NDC1: variants seen among roughly 807,000 people sequenced by gnomAD.
The protein encoded by NDC1 is NDC1 transmembrane nucleoporin, also known as nucleoporin NDC1.
NDC1 carries 24 observed loss-of-function variants against 89.8 expected under a neutral mutation model. That is an observed-to-expected ratio of 0.27 (90% CI 0.19 to 0.38). NDC1 has a LOEUF of 0.38. NDC1 is among the 10% of genes least tolerant of loss of function. NDC1 has a pLI of 1.00. For missense variants in NDC1, 728 were observed against 797.6 expected (o/e 0.91, Z 1.05); for synonymous variants, 296 against 284.8 (o/e 1.04, Z -0.39).
rs965630574 is a variant in NDC1, at chr1:53,791,189, C to T, written c.1636-1993G>A. Among the ~76,000 whole-genome samples the T allele has an allele frequency of 3.3e-5, 5 of 152,188 alleles. No individual in the cohort carries two copies. In the South Asian group the frequency reaches 6.2e-4, roughly 19 times the overall value. ...CTTAAGATTGTGATGTCCGGCCAGG[C>T]GAGGTGGCTCACGCGGTCAGGAGAT... On this transcript the variant is annotated intron_variant, in intron 14 of 17. Transcript: ENST00000371429.
chr1:53,824,513 C>T (rs1025732139), intron 5 of NDC1, among the ~76,000 whole-genome samples: 3 of 152,156 alleles, frequency 2.0e-5, no homozygotes, highest in African/African-American at 7.2e-5. Flanking sequence ...GGGAGGGAGG[C>T]TAGTTCTAAC....
intron 5 of NDC1, among the ~76,000 whole-genome samples, chr1:53,825,460 A>AAAAAAAAGAAG (rs1039370528): frequency 7.0e-6 from 1 of 142,116 alleles, no homozygotes; most frequent in African/African-American, 2.6e-5. Context: ...CTCCAAAAAA[A>AAAAAAAAGAAG]AAGAAGCTAC....
intron 6 of NDC1, among the ~76,000 whole-genome samples, chr1:53,818,758 G>A (rs1648562484): frequency 1.3e-5 from 2 of 152,124 alleles, no homozygotes; most frequent in Admixed American, 6.5e-5. Flanking sequence ...TCTTTTTAAA[G>A]GCTAAATAAT....
chr1:53,789,870 G>A (rs879863461), intron 14 of NDC1, among the ~76,000 whole-genome samples: 46 of 151,934 alleles, frequency 3.0e-4, no homozygotes, highest in African/African-American at 3.4e-4. Flanking sequence ...TTGGGAGGCC[G>A]AGGTGGGTAG....
chr1:53,798,834 TG>T (rs1194682484), intron 11 of NDC1, among the ~76,000 whole-genome samples: 2 of 152,188 alleles, frequency 1.3e-5, no homozygotes, highest in African/African-American at 4.8e-5. Flanking sequence ...GAATTACAGG[TG>T]TAAGCCACCA....
rs1358611503 is a variant in NDC1, at chr1:53,767,857, G to A, written c.*113C>T. The A allele has an allele frequency of 1.2e-5, 6 of 509,798 alleles. No homozygotes were observed. The highest frequency in any genetic ancestry group is 3.3e-5 in the East Asian group (1 of 30,426). The allele number at this position is 509,798 out of a possible 1,614,324, so 31.6% of individuals were successfully genotyped here. ...GTATAGTTTTCAAAGCAACCACCAC[G>A]ACAAAGGAAGCATCTAATTAGTCCG... On this transcript the variant is annotated 3_prime_UTR_variant, in exon 18 of 18. Transcript: ENST00000371429.
chr1:53,794,972 G>T (rs756208052), intron 13 of NDC1, among the ~76,000 whole-genome samples: 2 of 152,112 alleles, frequency 1.3e-5, no homozygotes, highest in Non-Finnish European at 2.9e-5. Flanking sequence ...TGAAAAATGT[G>T]GTTTTTCTTG....
intron 14 of NDC1, among the ~76,000 whole-genome samples, chr1:53,791,908 C>T (rs1647517816): frequency 6.6e-6 from 1 of 151,452 alleles, no homozygotes; most frequent in African/African-American, 2.4e-5. Flanking sequence ...GAGTATGGCA[C>T]ACATAAGACA....
Position 53,819,063 on chromosome 1 carries a change from C to A in NDC1, c.611G>T (p.Arg204Leu), listed in dbSNP as rs202236360. The change falls in exon 6 of 18, where the codon CGT (arginine) becomes CTT (leucine). Residue 204 changes from arginine (R) to leucine (L), a missense_variant. Coordinates refer to ENST00000371429, the MANE Select transcript of NDC1 (RefSeq NM_018087.5). Reference protein sequence around the residue: ...FPIIQQYKFLRFRRSLLLLVK... With the variant: ...FPIIQQYKFLLFRRSLLLLVK... Reference sequence around the variant, plus strand: ...TAATAAGAGCAGAGATCTCCTAAAACGCAAGAACTTGTATTGCTGTGGGGA... The same window carrying A: ...TAATAAGAGCAGAGATCTCCTAAAAAGCAAGAACTTGTATTGCTGTGGGGA... 2 of 1,557,210 alleles carry A rather than the reference C, an allele frequency of 1.3e-6. No individual in the cohort carries two copies. The highest frequency in any genetic ancestry group is 1.4e-5 in the African/African-American group (1 of 72,464).
chr1:53,808,093 G>C (rs145288483), intron 7 of NDC1, among the ~76,000 whole-genome samples: 1 of 152,202 alleles, frequency 6.6e-6, no homozygotes, highest in Non-Finnish European at 1.5e-5. Context: ...GCAGCTGGGT[G>C]AAAGTTTATT....
At position 53,812,606 on chromosome 1, in the gene NDC1, T is replaced by TTA. The variant is rs1340233385; in HGVS notation, c.704-2861_704-2860insTA. On this transcript the variant is annotated intron_variant, in intron 6 of 17. Coordinates refer to ENST00000371429, the MANE Select transcript of NDC1 (RefSeq NM_018087.5). Reference sequence around the variant, plus strand: ...ACAAGGTCTCCAAGAAGTCTGGGATTATGTTATACGACCAAACTTAAGAAT... The same window carrying TTA: ...ACAAGGTCTCCAAGAAGTCTGGGATTTAATGTTATACGACCAAACTTAAGAAT... 4.6e-5 allele frequency among the ~76,000 whole-genome samples: 7 copies of TTA among 152,332 alleles called. No individual in the cohort carries two copies. In the South Asian group the frequency reaches 1.5e-3, roughly 32 times the overall value.
chr1:53,786,886 G>A (rs191064306), intron 16 of NDC1, among the ~76,000 whole-genome samples: 28 of 152,128 alleles, frequency 1.8e-4, no homozygotes, highest in African/African-American at 5.1e-4. Flanking sequence ...TGTAAAAACC[G>A]AGTCTTGCCA....
chr1:53,772,578 C>T (rs1332755313), intron 16 of NDC1, 89 bp from the exon 17 acceptor site: 8 of 1,281,538 alleles, frequency 6.2e-6, no homozygotes, highest in African/African-American at 3.0e-5. Context: ...AATCCCAACA[C>T]TTTGGAAGGA....
intron 10 of NDC1, 55 bp downstream of exon 10, chr1:53,803,873 G>A: frequency 7.3e-7 from 1 of 1,372,686 alleles, no homozygotes; most frequent in Non-Finnish European, 1.0e-6. Flanking sequence ...GCCTGGCCAA[G>A]TGAATTACTT....
At chr1:53,777,735 G>C (rs1647174351) in intron 16 of NDC1, among the ~76,000 whole-genome samples, 1 of 151,756 alleles carries the variant, frequency 6.6e-6, no homozygotes, top group Non-Finnish European at 1.5e-5. Flanking sequence ...TTTTCTTTTT[G>C]AGACAGGGTC....
chr1:53,792,228 C>CA (rs1237146204), intron 14 of NDC1, among the ~76,000 whole-genome samples: 2 of 152,194 alleles, frequency 1.3e-5, no homozygotes, highest in Non-Finnish European at 2.9e-5. Flanking sequence ...AGGTGTGAGC[C>CA]ACCATGCCCG....
intron 10 of NDC1, among the ~76,000 whole-genome samples, chr1:53,801,358 A>T (rs1258639182): frequency 6.6e-6 from 1 of 152,120 alleles, no homozygotes; most frequent in African/African-American, 2.4e-5. Context: ...TTGCTGTTAC[A>T]TCTGTGGGAA....
intron 1 of NDC1, 119 bp downstream of exon 1, chr1:53,838,086 C>A (rs911371225): frequency 4.5e-6 from 4 of 891,210 alleles, no homozygotes; most frequent in Non-Finnish European, 6.8e-6. Context: ...GCCTTCCCCA[C>A]GCGTTCTCTC....
Position 53,827,579 on chromosome 1 carries a change from C to T in NDC1, c.455+420G>A, listed in dbSNP as rs79234844. Among the ~76,000 whole-genome samples the T allele has an allele frequency of 4.7e-3, 711 of 152,306 alleles. 3 individuals carry two copies. Among genetic ancestry groups the T allele is most frequent in the African/African-American group, 0.016 (681 of 41,560 alleles). On this transcript the variant is annotated intron_variant, in intron 4 of 17. Coordinates refer to ENST00000371429, the MANE Select transcript of NDC1 (RefSeq NM_018087.5). The stretch of plus-strand genomic sequence containing the variant: ...GCAGTTATAATTTTTAAAAATTTTT[C>T]TTCATTCTTTCCATACTACCCTTCC...
Sources: allele counts gnomAD v4.1 joint callset (sites outside exome capture counted in the v4.1 genomes callset), GRCh38; gene constraint gnomAD v4.1.1; transcripts MANE v1.5; gene names NCBI Gene and HGNC (gene_info 2026-07-23, HGNC 2026-07-21).